Variants in IQCK observed in about 807,000 individuals in gnomAD.
IQCK encodes the protein IQ motif containing K, also known as IQ domain-containing protein K.
In IQCK, 29 loss-of-function variants were observed where a neutral mutation model predicts 28.1. That is an observed-to-expected ratio of 1.03 (90% CI 0.77 to 1.41). The LOEUF (loss-of-function observed/expected upper bound fraction) is 1.41. IQCK is among the 40% of genes most tolerant of loss of function. IQCK has a pLI of 0.00. For missense variants in IQCK, 359 were observed against 314.7 expected, an observed-to-expected ratio of 1.14 and a Z score of -1.07; for synonymous variants, 113 against 115.1, an observed-to-expected ratio of 0.98 and a Z score of 0.12.
At chr16:19,730,889 G>A (rs1378274069) in intron 2 of IQCK, among the ~76,000 whole-genome samples, 2 of 152,002 alleles carry the variant, frequency 1.3e-5, no homozygotes, top group Non-Finnish European at 2.9e-5. Context: ...ACCCGCCACC[G>A]TGCTTGGGAT....
chr16:19,738,605 C>G (rs560975538), intron 4 of IQCK, among the ~76,000 whole-genome samples: 5 of 152,274 alleles, frequency 3.3e-5, no homozygotes, highest in African/African-American at 1.2e-4. Flanking sequence ...TAAAATGAGG[C>G]TGATCATAGC....
intron 6 of IQCK, among the ~76,000 whole-genome samples, chr16:19,781,175 T>C (rs1273598770): frequency 1.3e-5 from 2 of 152,198 alleles, no homozygotes; most frequent in Admixed American, 6.5e-5. Context: ...AGAGAAAATG[T>C]GTAATCAGTT....
intron 4 of IQCK, among the ~76,000 whole-genome samples, chr16:19,758,880 G>C (rs565494047): frequency 6.6e-6 from 1 of 152,250 alleles, no homozygotes; most frequent in Admixed American, 6.5e-5. Flanking sequence ...AAGTGTTAAG[G>C]AGAACTTTTC....
At chr16:19,803,851 T>C (rs2055795776) in intron 7 of IQCK, among the ~76,000 whole-genome samples, 1 of 152,110 alleles carries the variant, frequency 6.6e-6, no homozygotes, top group African/African-American at 2.4e-5. Context: ...TCTCACTATG[T>C]TGCCCAAGCT....
chr16:19,824,528 A>AC (rs1392003778), intron 7 of IQCK, among the ~76,000 whole-genome samples: 1 of 152,182 alleles, frequency 6.6e-6, no homozygotes. Flanking sequence ...AATAAGGGGA[A>AC]CCCCCAAAGT....
Position 19,847,826 on chromosome 16 carries a change from G to T in IQCK, c.803-8661G>T, listed in dbSNP as rs117346228. Among the ~76,000 whole-genome samples the T allele has an allele frequency of 3.7e-3, 560 of 152,150 alleles. 7 individuals carry two copies. In the East Asian group the frequency reaches 0.058, roughly 16 times the overall value. ...ATTTTATTATTATTTTTAGAGATAG[G>T]GTCTCTCACTCTGTTTTCCAAGCTG... On this transcript the variant is annotated intron_variant, in intron 9 of 9. Coordinates refer to the IQCK transcript ENST00000320394.
At chr16:19,733,080 C>T (rs972941395) in intron 2 of IQCK, among the ~76,000 whole-genome samples, 13 of 152,160 alleles carry the variant, frequency 8.5e-5, no homozygotes, top group Non-Finnish European at 1.6e-4. Flanking sequence ...GGATGGACAT[C>T]TGTCCTCTGG....
At chr16:19,775,042 A>G (rs2055371004) in intron 6 of IQCK, among the ~76,000 whole-genome samples, 1 of 152,046 alleles carries the variant, frequency 6.6e-6, no homozygotes, top group African/African-American at 2.4e-5. Context: ...CCTGGCCAAC[A>G]TGGTGAAATC....
intron 4 of IQCK, among the ~76,000 whole-genome samples, chr16:19,755,196 G>A (rs2055036419): frequency 1.3e-5 from 2 of 152,162 alleles, no homozygotes; most frequent in South Asian, 4.1e-4. Flanking sequence ...AGGAGGCTGT[G>A]ATGTTCTATG....
At chr16:19,848,925 G>C (rs2056445247) in intron 9 of IQCK, among the ~76,000 whole-genome samples, 1 of 152,044 alleles carries the variant, frequency 6.6e-6, no homozygotes, top group Non-Finnish European at 1.5e-5. Flanking sequence ...TCTGTGAATG[G>C]TCACCCCTAC....
downstream of IQCK, among the ~76,000 whole-genome samples, chr16:19,828,858 AT>A (rs200041796): frequency 6.4e-4 from 83 of 129,424 alleles, no homozygotes; most frequent in African/African-American, 1.3e-3. Context: ...CTCAAAAAAA[AT>A]ATATATATAT....
In IQCK at chr16:19,855,090, A is replaced by G. The variant is rs2056540635; in HGVS notation, c.803-1397A>G. Among the ~76,000 whole-genome samples, 3 of 151,918 alleles carry G rather than the reference A, an allele frequency of 2.0e-5. No individual in the cohort carries two copies. In the South Asian group the frequency reaches 6.2e-4, roughly 32 times the overall value. On this transcript the variant is annotated intron_variant, in intron 9 of 9. Coordinates refer to the IQCK transcript ENST00000320394. ...GTTGTCAAACATAGAAAATAAGGAG[A>G]CTCTGAGGGCCCTCATTTTGAACTG...
exon 10 of IQCK, chr16:19,857,495 A>T (rs2056576597): frequency 2.3e-6 from 1 of 430,720 alleles, no homozygotes; most frequent in Non-Finnish European, 4.5e-6. Context: ...GTACATTATA[A>T]AACACACATT....
intron 4 of IQCK, among the ~76,000 whole-genome samples, chr16:19,749,876 T>C (rs1300973070): frequency 6.6e-6 from 1 of 152,104 alleles, no homozygotes; most frequent in Non-Finnish European, 1.5e-5. Flanking sequence ...CAGTCTAGTA[T>C]AAAGGAAGCT....
At chr16:19,851,182 T>A (rs1880632402) in intron 9 of IQCK, among the ~76,000 whole-genome samples, 1 of 152,314 alleles carries the variant, frequency 6.6e-6, no homozygotes, top group Non-Finnish European at 1.5e-5. Context: ...CACAGTTGAC[T>A]GAGGCCCTCA....
chr16:19,726,705 G>T (rs1021166317), intron 1 of IQCK, among the ~76,000 whole-genome samples: 1 of 152,138 alleles, frequency 6.6e-6, no homozygotes, highest in African/African-American at 2.4e-5. Context: ...TGAATAAGCC[G>T]TTAAAAGTAA....
downstream of IQCK, among the ~76,000 whole-genome samples, chr16:19,830,892 G>A (rs1034872751): frequency 2.6e-5 from 4 of 152,162 alleles, no homozygotes; most frequent in African/African-American, 9.7e-5. Flanking sequence ...ATAAATGTTA[G>A]TTATTGTCAT....
intron 6 of IQCK, among the ~76,000 whole-genome samples, chr16:19,779,726 T>A (rs920045287): frequency 1.3e-5 from 2 of 151,046 alleles, no homozygotes; most frequent in Non-Finnish European, 3.0e-5. Flanking sequence ...TTTATTTATT[T>A]ATTTTTTTTG....
At chr16:19,832,400 A>G in intron 9 of IQCK, among the ~76,000 whole-genome samples, 1 of 152,096 alleles carries the variant, frequency 6.6e-6, no homozygotes, top group East Asian at 1.9e-4. Context: ...TTGATCTGTC[A>G]AAGGAAATGA....
Sources: gnomAD v4.1 joint callset for allele counts (sites outside exome capture counted in the v4.1 genomes callset) on GRCh38, gnomAD v4.1.1 for gene constraint, MANE v1.5 for transcripts, NCBI Gene and HGNC (gene_info 2026-07-23, HGNC 2026-07-21) for gene names.